ARHGEF6: variants seen among roughly 807,000 people sequenced by gnomAD.
ARHGEF6 encodes Rac/Cdc42 guanine nucleotide exchange factor 6.
In ARHGEF6, 9 loss-of-function variants were observed where a neutral mutation model predicts 70.3. The observed-to-expected ratio is 0.13, with a 90% confidence interval of 0.08 to 0.22. The LOEUF (loss-of-function observed/expected upper bound fraction) is 0.22. Among genes scored for constraint, ARHGEF6 ranks in the 10% least tolerant of loss-of-function variants. The pLI, the probability that ARHGEF6 is intolerant of heterozygous loss-of-function variation, is 1.00. For missense variants in ARHGEF6, 470 were observed against 563.0 expected (o/e 0.83, Z 1.67); for synonymous variants, 201 against 207.8 (o/e 0.97, Z 0.28).
chrX:136,679,393 C>T (rs2076310704), intron 16 of ARHGEF6, 142 bp downstream of exon 16: 18 of 760,211 alleles, frequency 2.4e-5, no homozygotes, highest in Non-Finnish European at 3.5e-5. Flanking sequence ...AGAAATCAAA[C>T]AAATCACTGA....
intron 6 of ARHGEF6, among the ~76,000 whole-genome samples, chrX:136,722,120 G>A (rs1349642977): frequency 9.1e-6 from 1 of 109,989 alleles, no homozygotes; most frequent in Non-Finnish European, 1.9e-5. Context: ...AAATGGTGCT[G>A]AGAAAACTGG....
At chrX:136,757,093 G>A (rs1050349295) in intron 2 of ARHGEF6, among the ~76,000 whole-genome samples, 2 of 112,925 alleles carry the variant, frequency 1.8e-5, no homozygotes, top group South Asian at 3.6e-4. Context: ...AAGGCCAGGC[G>A]CAGTGGTTCA....
At chrX:136,721,531 C>G (rs2076797486) in intron 6 of ARHGEF6, among the ~76,000 whole-genome samples, 2 of 111,409 alleles carry the variant, frequency 1.8e-5, no homozygotes, top group African/African-American at 6.5e-5. Context: ...CCACTGCACT[C>G]CAGTCTGAGT....
chrX:136,708,906 C>A, intron 7 of ARHGEF6, 136 bp from the exon 8 acceptor site: 1 of 406,162 alleles, frequency 2.5e-6, no homozygotes, highest in Non-Finnish European at 4.4e-6. Context: ...ACTCTATTGT[C>A]TTAGGCAGCT....
chrX:136,730,448 A>G (rs957832420), intron 6 of ARHGEF6, among the ~76,000 whole-genome samples: 3 of 111,875 alleles, frequency 2.7e-5, no homozygotes, highest in African/African-American at 9.8e-5. Context: ...CTTCACATCC[A>G]TATCTAGTTA....
rs1472344534 is a variant in ARHGEF6 at position 136,694,774 on chromosome X, G to A, written c.1047-4026C>T. ...GCAAGCTAGCAGGGGAGAGGGAGGG[G>A]AAATCCCGAAATACCTCACCCAGGG... On this transcript the variant is annotated intron_variant, in intron 9 of 21. Transcript: ENST00000250617. 1.3e-4 allele frequency among the ~76,000 whole-genome samples: 15 copies of A among 111,671 alleles called. No homozygotes were observed. The Admixed American group carries it at 1.4e-3, about 11-fold the overall frequency.
intron 19 of ARHGEF6, among the ~76,000 whole-genome samples, 197 bp from the exon 20 acceptor site, chrX:136,672,316 T>C (rs1386738901): frequency 9.0e-6 from 1 of 111,688 alleles, no homozygotes; most frequent in African/African-American, 3.3e-5. Flanking sequence ...AATGGCCAAA[T>C]ACACTGATTC....
rs759663565 is a variant in ARHGEF6 at position 136,743,800 on chromosome X, A to C, written c.460-14T>G. ...TTCCGTCATCTCCTAGAGAAACAAA[A>C]GCCACACCAGATTAAGCACTCATCT... On this transcript the variant is annotated splice_polypyrimidine_tract_variant and intron_variant, in intron 4 of 21. Coordinates refer to ENST00000250617, the MANE Select transcript of ARHGEF6 (RefSeq NM_004840.3). 5 of 1,197,234 alleles carry C rather than the reference A, an allele frequency of 4.2e-6. No homozygotes were observed. The highest frequency in any genetic ancestry group is 4.5e-6 in the Non-Finnish European group (4 of 883,567).
chrX:136,713,453 A>G, intron 6 of ARHGEF6, 83 bp from the exon 7 acceptor site: 1 of 727,284 alleles, frequency 1.4e-6, no homozygotes, highest in Non-Finnish European at 2.1e-6. Flanking sequence ...CCAAATTACT[A>G]GGAAGAAAAA....
At chrX:136,685,534 G>A in intron 12 of ARHGEF6, 143 bp downstream of exon 12, 1 of 622,869 alleles carries the variant, frequency 1.6e-6, no homozygotes, top group Non-Finnish European at 2.5e-6. Context: ...TTGAACCCAG[G>A]AGGCAGAGGT....
chrX:136,741,390 T>C (rs1384256958), intron 5 of ARHGEF6, among the ~76,000 whole-genome samples: 1 of 111,967 alleles, frequency 8.9e-6, no homozygotes, highest in Non-Finnish European at 1.9e-5. Flanking sequence ...AACATTTTCT[T>C]TTCCCTAGCT....
intron 19 of ARHGEF6, 83 bp downstream of exon 19, chrX:136,674,924 G>A: frequency 1.1e-6 from 1 of 921,659 alleles, no homozygotes; most frequent in Non-Finnish European, 1.6e-6. Context: ...ACCCATCCGG[G>A]TTGCTTTTCT....
At chrX:136,760,349 G>C (rs968769773) in intron 2 of ARHGEF6, among the ~76,000 whole-genome samples, 2 of 112,337 alleles carry the variant, frequency 1.8e-5, no homozygotes, top group African/African-American at 6.5e-5. Flanking sequence ...ACTGATCCTT[G>C]AGGGCCACCT....
intron 2 of ARHGEF6, chrX:136,767,403 G>A (rs1569424555): frequency 4.4e-5 from 33 of 754,225 alleles, no homozygotes; most frequent in Admixed American, 8.6e-5. Flanking sequence ...GCGCCTGGAC[G>A]CGGGCGAGGA....
rs187975206 is a variant in ARHGEF6, at chrX:136,759,452, C to T, written c.250-11860G>A. Among the ~76,000 whole-genome samples the T allele has an allele frequency of 1.4e-4, 16 of 110,582 alleles. No homozygotes were observed. The East Asian group carries it at 3.1e-3, about 22-fold the overall frequency. Reference sequence around the variant, plus strand: ...ATCAAGAGTTCAAGACCAGCCTGAGCGACATAGTGAAACTAAAAATACAAA... The same window carrying T: ...ATCAAGAGTTCAAGACCAGCCTGAGTGACATAGTGAAACTAAAAATACAAA... On this transcript the variant is annotated intron_variant, in intron 2 of 21. Coordinates refer to ENST00000250617, the MANE Select transcript of ARHGEF6 (RefSeq NM_004840.3).
chrX:136,745,499 C>A (rs1276349222), intron 3 of ARHGEF6, 152 bp from the exon 4 acceptor site: 1 of 769,633 alleles, frequency 1.3e-6, no homozygotes, highest in Non-Finnish European at 1.9e-6. Flanking sequence ...ATTTCAATCC[C>A]CCTTCCCTTT....
chrX:136,752,115 G>A (rs1445253032), intron 2 of ARHGEF6, among the ~76,000 whole-genome samples: 2 of 112,434 alleles, frequency 1.8e-5, no homozygotes, highest in African/African-American at 3.2e-5. Flanking sequence ...TATGCGAAAA[G>A]AAATCCTTTG....
intron 2 of ARHGEF6, among the ~76,000 whole-genome samples, chrX:136,775,325 C>G (rs1227798727): frequency 8.9e-6 from 1 of 111,741 alleles, no homozygotes; most frequent in Non-Finnish European, 1.9e-5. Context: ...GAATCCAATA[C>G]CATATCAAAA....
chrX:136,676,650 G>T lies in ARHGEF6; in HGVS notation c.1919C>A (p.Ser640Ter). 8.3e-7 allele frequency: 1 copy of T among 1,207,230 alleles called. No homozygotes were observed. Among genetic ancestry groups the T allele is most frequent in the Non-Finnish European group, 1.1e-6 (1 of 891,546 alleles). The change falls in exon 18 of 22, where the codon TCG (serine) becomes TAG (stop). Residue 640 changes from serine (S) to a stop codon, truncating the protein, a stop_gained. Coordinates refer to ENST00000250617, the MANE Select transcript of ARHGEF6 (RefSeq NM_004840.3). LOFTEE classifies it high-confidence loss of function. ...LHKRKTERKP[S>*]EEEYVIRKST... ...TTTCCTAATCACATATTCCTCCTCC[G>T]ATGGTTTTCTCTCAGTCTTCCTTTT...
Sources: allele counts gnomAD v4.1 joint callset (sites outside exome capture counted in the v4.1 genomes callset), GRCh38; gene constraint gnomAD v4.1.1; transcripts MANE v1.5; gene names NCBI Gene and HGNC (gene_info 2026-07-23, HGNC 2026-07-21).